The following ZNF558 variants were observed in gnomAD, a reference collection of about 807,000 sequenced individuals.
The protein encoded by ZNF558 is zinc finger protein 558.
In ZNF558, 23 loss-of-function variants were observed where a neutral mutation model predicts 37.6. The observed-to-expected ratio is 0.61, with a 90% CI of 0.44 to 0.87. ZNF558 has a LOEUF of 0.87. Among genes scored for constraint, ZNF558 ranks in the 40% least tolerant of loss-of-function variants. ZNF558 has a pLI of 0.00. For missense variants in ZNF558, 429 were observed against 483.7 expected (o/e 0.89, Z 1.06); for synonymous variants, 189 against 174.4 (o/e 1.08, Z -0.66).
chr19:8,822,541 G>A lies in ZNF558; in HGVS notation c.31+88C>T, dbSNP rs1218047148. On this transcript the variant is annotated intron_variant, in intron 5 of 9. Coordinates refer to ENST00000601372, the MANE Select transcript of ZNF558 (RefSeq NM_144693.3). This position sits in a 1 kb window ranked among gnomAD's most constrained non-coding sequence, Gnocchi z 4.4. ...CTGGGGCTCCACTCCTGCCTCACCT[G>A]CTCTGCCCAACCCCGCTCGTGTCCC... 3.1e-6 allele frequency: 5 copies of A among 1,589,210 alleles called. No homozygotes were observed. Among genetic ancestry groups the A allele is most frequent in the Non-Finnish European group, 4.3e-6 (5 of 1,159,562 alleles).
intron 4 of ZNF558, chr19:8,823,769 C>G (rs1458631483): frequency 6.6e-6 from 1 of 152,660 alleles, no homozygotes; most frequent in East Asian, 2.0e-4. Flanking sequence ...CCCAGCAGAA[C>G]TCCAGCCAGG....
At chr19:8,833,620 T>C (rs1325608750), upstream of ZNF558, 1 of 152,276 alleles carries the variant, frequency 6.6e-6, no homozygotes, top group Non-Finnish European at 1.5e-5. Context: ...ACGTGCATTT[T>C]AGTTGTGAGT....
In ZNF558 at chr19:8,808,842, C is replaced by G. The variant is rs1198675045; in HGVS notation, c.*2439G>C. Reference sequence around the variant, plus strand: ...GTTGCCAGGCTGGAGTGCACTGGCGCCATCTTGGCTCACTGCAACCTCTAC... The same window carrying G: ...GTTGCCAGGCTGGAGTGCACTGGCGGCATCTTGGCTCACTGCAACCTCTAC... On this transcript the variant is annotated 3_prime_UTR_variant, in exon 10 of 10. Transcript: ENST00000601372. 3 of 152,034 alleles carry G rather than the reference C, an allele frequency of 2.0e-5. No individual in the cohort carries two copies. Among genetic ancestry groups the G allele is most frequent in the African/African-American group, 7.2e-5 (3 of 41,426 alleles). The allele number at this position is 152,034 out of a possible 1,614,324, so 9.4% of individuals were successfully genotyped here.
intron 4 of ZNF558, among the ~76,000 whole-genome samples, chr19:8,823,540 C>G (rs2044156573): frequency 7.4e-6 from 1 of 134,740 alleles, no homozygotes; most frequent in Non-Finnish European, 1.6e-5. Context: ...CTGCCTGTTA[C>G]CCCAACTCCT....
chr19:8,816,381 A>T (rs1211628881), intron 7 of ZNF558, among the ~76,000 whole-genome samples: 2 of 152,108 alleles, frequency 1.3e-5, no homozygotes, highest in African/African-American at 4.8e-5. Flanking sequence ...ATATTAATCA[A>T]ACTGTTGAAA....
intron 8 of ZNF558, 130 bp downstream of exon 8, chr19:8,812,997 G>A (rs564061261): frequency 4.0e-4 from 276 of 695,398 alleles, no homozygotes; most frequent in African/African-American, 3.6e-3. Flanking sequence ...AAATGTTCTC[G>A]TGCATGTTTG....
intron 7 of ZNF558, 107 bp downstream of exon 7, chr19:8,821,073 G>T: frequency 6.8e-7 from 1 of 1,475,502 alleles, no homozygotes. Flanking sequence ...GTTAAAAATG[G>T]TGAATTTTAT....
rs1405818006 is a variant in ZNF558, at chr19:8,821,188, G to A, written c.239C>T (p.Ala80Val). The A allele has an allele frequency of 6.2e-7, 1 of 1,613,940 alleles. No individual in the cohort carries two copies. Residue 80 changes from alanine (A) to valine (V), a missense_variant, in exon 7 of 10, where the codon GCC becomes GTC. Physicochemically the swap from Ala to Val is moderately conservative, Grantham distance 64 (BLOSUM62 0). Transcript: ENST00000601372. ...AATGACATTAGGCTTACCTAGTGAG[G>A]CCAGGTTCCTGCAGTTCTCCAGCAT... ...DVMLENCRNL[A>V]SLGCRVNKPS...
Position 8,821,324 on chromosome 19 carries a change from T to A in ZNF558, c.121-18A>T. 6.2e-7 allele frequency: 1 copy of A among 1,614,138 alleles called. No individual in the cohort carries two copies. The stretch of plus-strand genomic sequence containing the variant: ...ACCAAGCCCTAAAGCATTGCAAACA[T>A]CACGGCTTAGCCAAGGACCACCCCC... On this transcript the variant is annotated intron_variant, in intron 6 of 9. Transcript: ENST00000601372.
At chr19:8,831,528 A>G (rs1214104233) in intron 1 of ZNF558, 127 bp from the exon 2 acceptor site, 2 of 152,220 alleles carry the variant, frequency 1.3e-5, no homozygotes, top group Non-Finnish European at 2.9e-5. Context: ...TAAATGTGTA[A>G]TAAGGGCCCA....
intron 7 of ZNF558, among the ~76,000 whole-genome samples, chr19:8,818,073 G>A (rs2145224789): frequency 6.6e-6 from 1 of 152,338 alleles, no homozygotes; most frequent in South Asian, 2.1e-4. Context: ...TAGATTATAT[G>A]TTAGGCTATA....
intron 2 of ZNF558, among the ~76,000 whole-genome samples, chr19:8,826,760 G>A (rs1053101366): frequency 2.0e-5 from 3 of 152,188 alleles, no homozygotes; most frequent in Non-Finnish European, 2.9e-5. Flanking sequence ...CCTCCAGCAA[G>A]GCAAGAGGAT....
In ZNF558 at chr19:8,821,470, G is replaced by A. The variant is rs565995953; in HGVS notation, c.121-164C>T. On this transcript the variant is annotated intron_variant, in intron 6 of 9. Coordinates refer to ENST00000601372, the MANE Select transcript of ZNF558 (RefSeq NM_144693.3). Reference sequence around the variant, plus strand: ...CCAGGGTTCTGAGCTCCTCTCCCAGGGTTCTGAGCTCCTCTCCTGGGGTTC... The same window carrying A: ...CCAGGGTTCTGAGCTCCTCTCCCAGAGTTCTGAGCTCCTCTCCTGGGGTTC... 41 of 1,480,700 alleles carry A rather than the reference G, an allele frequency of 2.8e-5. No individual in the cohort carries two copies. The South Asian group carries it at 5.4e-4, about 20-fold the overall frequency. The allele number at this position is 1,480,700 out of a possible 1,614,324, so 91.7% of individuals were successfully genotyped here.
intron 7 of ZNF558, among the ~76,000 whole-genome samples, chr19:8,818,748 A>C (rs1455347494): frequency 6.6e-6 from 1 of 151,898 alleles, no homozygotes; most frequent in African/African-American, 2.4e-5. Context: ...AGACCAATGG[A>C]GCCAGGAGCA....
At chr19:8,826,083 G>A (rs1166449347) in intron 2 of ZNF558, among the ~76,000 whole-genome samples, 1 of 152,100 alleles carries the variant, frequency 6.6e-6, no homozygotes, top group African/African-American at 2.4e-5. Context: ...TGCTGGTGTT[G>A]ATGATGGAGG....
At chr19:8,824,037 T>C in intron 4 of ZNF558, 45 bp downstream of exon 4, 1 of 152,856 alleles carries the variant, frequency 6.5e-6, no homozygotes, top group Non-Finnish European at 1.5e-5. Flanking sequence ...CTCCCGGTGC[T>C]CACACCCTGT....
intron 3 of ZNF558, among the ~76,000 whole-genome samples, 177 bp downstream of exon 3, chr19:8,824,825 T>A (rs2044194607): frequency 6.6e-6 from 1 of 152,198 alleles, no homozygotes; most frequent in African/African-American, 2.4e-5. Flanking sequence ...TGTAGTGCGA[T>A]GAGCCCATCC....
At position 8,822,263 on chromosome 19, in the gene ZNF558, C is replaced by G. The variant is rs1279672000; in HGVS notation, c.32-172G>C. The stretch of plus-strand genomic sequence containing the variant: ...GCTCTCCTAAGATACCCAAACACAG[C>G]CCTGTCTCACCAACCAAAGACAATA... On this transcript the variant is annotated intron_variant, in intron 5 of 9. Transcript: ENST00000601372. This position sits in a 1 kb window ranked among gnomAD's most constrained non-coding sequence, Gnocchi z 4.4. 3.3e-5 allele frequency among the ~76,000 whole-genome samples: 5 copies of G among 152,166 alleles called. No homozygotes were observed. The East Asian group carries it at 9.6e-4, about 29-fold the overall frequency.
At chr19:8,821,624 A>G in intron 6 of ZNF558, 3 of 1,328,472 alleles carry the variant, frequency 2.3e-6, no homozygotes, top group Non-Finnish European at 2.9e-6. Context: ...CTGTGATCTT[A>G]TTTCCCTCAA....
Sources: gnomAD v4.1 joint callset for allele counts (sites outside exome capture counted in the v4.1 genomes callset) on GRCh38, gnomAD v4.1.1 for gene constraint, Gnocchi (gnomAD v3.1) non-coding constraint, MANE v1.5 for transcripts, NCBI Gene and HGNC (gene_info 2026-07-23, HGNC 2026-07-21) for gene names.